CFAP20DC: variants seen among roughly 807,000 people sequenced by gnomAD.
The protein encoded by CFAP20DC is CFAP20 domain containing.
In CFAP20DC, 84 loss-of-function variants were observed where a neutral mutation model predicts 101.7. The observed-to-expected ratio is 0.83, with a 90% confidence interval of 0.69 to 0.99. CFAP20DC has a LOEUF of 0.99. CFAP20DC is among the 50% of genes least tolerant of loss of function. The probability of loss-of-function intolerance (pLI) is 0.00; values close to 1 mark genes in which losing one functional copy is unlikely to be tolerated. For missense variants in CFAP20DC, 1,007 were observed against 970.3 expected, an observed-to-expected ratio of 1.04 and a Z score of -0.50; for synonymous variants, 359 against 351.2, an observed-to-expected ratio of 1.02 and a Z score of -0.25.
chr3:58,738,649 T>C (rs181123516), downstream of CFAP20DC, among the ~76,000 whole-genome samples: 1 of 152,326 alleles, frequency 6.6e-6, no homozygotes, highest in Admixed American at 6.5e-5. This position sits in a 1 kb window ranked among gnomAD's most constrained non-coding sequence, Gnocchi z 4.4. Flanking sequence ...GCAATGAACA[T>C]ATGTGTGCAG....
intron 7 of CFAP20DC, 30 bp from the exon 8 acceptor site, chr3:58,870,339 C>A (rs768056423): frequency 6.2e-7 from 1 of 1,603,800 alleles, no homozygotes; most frequent in Non-Finnish European, 8.5e-7. Flanking sequence ...TAATAATAGT[C>A]CATTAATGGG....
intron 4 of CFAP20DC, among the ~76,000 whole-genome samples, chr3:58,976,610 C>T (rs1245363581): frequency 2.0e-5 from 3 of 152,190 alleles, no homozygotes; most frequent in African/African-American, 7.2e-5. Context: ...AAGAGGTCCT[C>T]TAATAACATC....
At chr3:58,735,300 T>C (rs1242101374) in intron 3 of CFAP20DC, among the ~76,000 whole-genome samples, 1 of 152,232 alleles carries the variant, frequency 6.6e-6, no homozygotes. Flanking sequence ...TTGCTCAAAA[T>C]GCGTACAAGA....
intron 5 of CFAP20DC, among the ~76,000 whole-genome samples, chr3:58,919,714 A>C (rs1421144725): frequency 6.6e-6 from 1 of 152,220 alleles, no homozygotes; most frequent in African/African-American, 2.4e-5. Context: ...AAACATCTAT[A>C]TACATATACA....
chr3:58,770,219 C>T (rs1173838451), intron 15 of CFAP20DC, among the ~76,000 whole-genome samples: 1 of 152,174 alleles, frequency 6.6e-6, no homozygotes, highest in African/African-American at 2.4e-5. Context: ...ACAGTAATAT[C>T]CCATCTACTT....
chr3:58,810,531 T>A (rs1575710974), intron 14 of CFAP20DC, among the ~76,000 whole-genome samples: 1 of 151,920 alleles, frequency 6.6e-6, no homozygotes, highest in Non-Finnish European at 1.5e-5. Flanking sequence ...TCTCAATAAA[T>A]TAGGTATTGA....
chr3:58,828,582 G>A (rs2076193583), intron 14 of CFAP20DC, among the ~76,000 whole-genome samples: 1 of 152,176 alleles, frequency 6.6e-6, no homozygotes, highest in Non-Finnish European at 1.5e-5. Context: ...TCACTTATAA[G>A]CAGGAGCTAA....
At chr3:58,980,991 A>G (rs1312835258) in intron 4 of CFAP20DC, among the ~76,000 whole-genome samples, 7 of 152,198 alleles carry the variant, frequency 4.6e-5, no homozygotes, top group African/African-American at 1.7e-4. Flanking sequence ...TTAAGCTGAT[A>G]AGCAACTTCA....
In CFAP20DC at chr3:58,955,047, T is replaced by A. The variant is rs539719837; in HGVS notation, c.279-17285A>T. On this transcript the variant is annotated intron_variant, in intron 4 of 16. Transcript: ENST00000482387. ...AATTTACATGCCACAAAATTTACCA[T>A]ATTTTGTGTAAAATTCAATGATTTT... 2.0e-4 allele frequency among the ~76,000 whole-genome samples: 31 copies of A among 151,934 alleles called. No individual in the cohort carries two copies. The South Asian group carries it at 6.4e-3, about 32-fold the overall frequency.
chr3:58,882,706 A>G lies in CFAP20DC; in HGVS notation c.715+1839T>C, dbSNP rs945763129. On this transcript the variant is annotated intron_variant, in intron 7 of 16. Transcript: ENST00000482387. The surrounding 1 kb of genome is among the most constrained non-coding windows in gnomAD (Gnocchi z 4.2). ...TCTCAAGGCTCTTTAATGACCATGG[A>G]TTGTATACAGTCTCTCTCTGTCTAA... Among the ~76,000 whole-genome samples, 5 of 152,046 alleles carry G rather than the reference A, an allele frequency of 3.3e-5. No homozygotes were observed. The highest frequency in any genetic ancestry group is 7.2e-5 in the African/African-American group (3 of 41,416).
At chr3:58,802,554 A>C (rs1003014365) in intron 15 of CFAP20DC, among the ~76,000 whole-genome samples, 1 of 152,214 alleles carries the variant, frequency 6.6e-6, no homozygotes, top group Non-Finnish European at 1.5e-5. Flanking sequence ...ATACCACCCC[A>C]TGCCTAACAG....
In CFAP20DC at chr3:58,729,588, CA is replaced by C. The variant is rs2067605864; in HGVS notation, c.198-11961del. 6.6e-6 allele frequency among the ~76,000 whole-genome samples: 1 copy of C among 152,150 alleles called. No homozygotes were observed. The highest frequency in any genetic ancestry group is 1.5e-5 in the Non-Finnish European group (1 of 68,026). ...TCTATGAATGCAATAATGTCATCTGCAAATAATGACAGTGTTGTGTCTTTCT... is the reference window on the plus strand; with the variant it reads ...TCTATGAATGCAATAATGTCATCTGCAATAATGACAGTGTTGTGTCTTTCT... On this transcript the variant is annotated intron_variant, in intron 3 of 3. Transcript: ENST00000486145. The surrounding 1 kb of genome is among the most constrained non-coding windows in gnomAD (Gnocchi z 4.4).
chr3:58,988,400 G>A (rs945022426), intron 4 of CFAP20DC, among the ~76,000 whole-genome samples: 26 of 152,142 alleles, frequency 1.7e-4, no homozygotes, highest in African/African-American at 6.3e-4. Context: ...AAAAGATTAT[G>A]TCTTCTTCGC....
intron 4 of CFAP20DC, among the ~76,000 whole-genome samples, chr3:58,954,246 T>C (rs770501795): frequency 1.3e-5 from 2 of 152,046 alleles, no homozygotes; most frequent in African/African-American, 4.8e-5. Context: ...CATCCAAGAG[T>C]GTAGATAAAC....
chr3:58,803,342 G>A (rs2073842102), intron 15 of CFAP20DC, among the ~76,000 whole-genome samples: 2 of 152,076 alleles, frequency 1.3e-5, no homozygotes, highest in African/African-American at 4.8e-5. Flanking sequence ...TTTCAATCAC[G>A]GGTTCAAGTT....
At chr3:58,898,453 G>A (rs1414286024) in intron 6 of CFAP20DC, among the ~76,000 whole-genome samples, 1 of 152,198 alleles carries the variant, frequency 6.6e-6, no homozygotes, top group African/African-American at 2.4e-5. Flanking sequence ...GAGATTATAG[G>A]TGTTAGCCAC....
chr3:58,955,716 C>T (rs1367609891), intron 4 of CFAP20DC, among the ~76,000 whole-genome samples: 1 of 151,932 alleles, frequency 6.6e-6, no homozygotes, highest in Non-Finnish European at 1.5e-5. Context: ...CATGTGACCT[C>T]TTGAGACACC....
chr3:58,950,783 T>C (rs1195611745), intron 4 of CFAP20DC, among the ~76,000 whole-genome samples: 6 of 152,160 alleles, frequency 3.9e-5, no homozygotes, highest in Non-Finnish European at 5.9e-5. Flanking sequence ...AGGACTTAAA[T>C]GTTAGACCTA....
chr3:58,782,515 T>C (rs984684050), intron 15 of CFAP20DC, among the ~76,000 whole-genome samples: 2 of 152,034 alleles, frequency 1.3e-5, no homozygotes, highest in Non-Finnish European at 2.9e-5. Context: ...AATGATATAA[T>C]CTTAACTCTA....
Sources: gnomAD v4.1 joint callset for allele counts (sites outside exome capture counted in the v4.1 genomes callset) on GRCh38, gnomAD v4.1.1 for gene constraint, Gnocchi (gnomAD v3.1) non-coding constraint, MANE v1.5 for transcripts, NCBI Gene and HGNC (gene_info 2026-07-23, HGNC 2026-07-21) for gene names.